NINL: variants seen among roughly 807,000 people sequenced by gnomAD.
The protein encoded by NINL is ninein like, also known as ninein-like protein.
In NINL, 153 loss-of-function variants were observed where a neutral mutation model predicts 160.3. The observed-to-expected ratio is 0.95, with a 90% CI of 0.84 to 1.09. The LOEUF is 1.09. Among genes scored for constraint, NINL ranks in the 50% least tolerant of loss-of-function variants. The pLI, the probability that NINL is intolerant of heterozygous loss-of-function variation, is 0.00. For missense variants in NINL, 1,829 were observed against 1,764.0 expected (o/e 1.04, Z -0.66); for synonymous variants, 800 against 734.8 (o/e 1.09, Z -1.43).
In NINL at chr20:25,474,815, C is replaced by T. The variant is rs113906307; in HGVS notation, c.3248+1228G>A. Among the ~76,000 whole-genome samples the T allele has an allele frequency of 6.5e-3, 981 of 150,278 alleles. 14 individuals are homozygous for T. Among genetic ancestry groups the T allele is most frequent in the African/African-American group, 0.023 (935 of 40,846 alleles). ...TTTTTTTTTTTTGGAGACAGAGTTT[C>T]GCTCTTGTTGCCCAGGCTGAAGTGC... On this transcript the variant is annotated intron_variant, in intron 17 of 23. Transcript: ENST00000278886.
At chr20:25,508,877 CA>C (rs778086666) in intron 5 of NINL, among the ~76,000 whole-genome samples, 9 of 152,248 alleles carry the variant, frequency 5.9e-5, no homozygotes, top group Admixed American at 4.6e-4. Context: ...ACACGTCCAT[CA>C]ATGCCTCCGG....
At chr20:25,536,801 C>A (rs981816840) in intron 1 of NINL, among the ~76,000 whole-genome samples, 2 of 151,438 alleles carry the variant, frequency 1.3e-5, no homozygotes, top group Non-Finnish European at 2.9e-5. Context: ...GAAGTGTAAT[C>A]ATGACCAACC....
intron 1 of NINL, among the ~76,000 whole-genome samples, chr20:25,575,495 G>A (rs1284323321): frequency 1.3e-5 from 2 of 148,756 alleles, no homozygotes; most frequent in Non-Finnish European, 3.0e-5. Flanking sequence ...GCTTGCGCCT[G>A]TAATCCCAGC....
intron 23 of NINL, among the ~76,000 whole-genome samples, chr20:25,453,847 G>A (rs1488820370): frequency 1.3e-5 from 2 of 152,044 alleles, no homozygotes; most frequent in African/African-American, 4.8e-5. Context: ...TCAGGAGATC[G>A]AGACCATCCT....
chr20:25,480,881 G>A (rs1395145791), intron 14 of NINL, among the ~76,000 whole-genome samples: 1 of 152,176 alleles, frequency 6.6e-6, no homozygotes, highest in African/African-American at 2.4e-5. Context: ...ACCACCCTGG[G>A]TGCAGGCAAT....
chr20:25,538,166 G>C (rs890831260), intron 1 of NINL, among the ~76,000 whole-genome samples: 3 of 152,210 alleles, frequency 2.0e-5, no homozygotes, highest in Admixed American at 1.3e-4. Flanking sequence ...GGGAGGCATA[G>C]GCGTGGCCTG....
Position 25,526,855 on chromosome 20 carries a change from T to G in NINL, c.-11-257A>C, listed in dbSNP as rs74731192. Among the ~76,000 whole-genome samples, 1,460 of 152,156 alleles carry G rather than the reference T, an allele frequency of 9.6e-3. 7 individuals carry two copies. Among genetic ancestry groups the G allele is most frequent in the Non-Finnish European group, 0.016 (1,073 of 67,992 alleles). ...AGTCGTCAGTCACAAGAACCAGAAT[T>G]TCTTTGTTGTATGAAAAATATCCAT... On this transcript the variant is annotated intron_variant, in intron 1 of 23. Coordinates refer to ENST00000278886, the MANE Select transcript of NINL (RefSeq NM_025176.6).
At chr20:25,477,142 C>A in intron 16 of NINL, 53 bp from the exon 17 acceptor site, 2 of 1,484,890 alleles carry the variant, frequency 1.3e-6, no homozygotes, top group Non-Finnish European at 1.8e-6. Flanking sequence ...CAGCCCCTCT[C>A]TCGGGTTTGA....
chr20:25,507,932 GC>G (rs907593443), intron 5 of NINL, among the ~76,000 whole-genome samples: 1 of 152,206 alleles, frequency 6.6e-6, no homozygotes, highest in African/African-American at 2.4e-5. Context: ...CCGTCTGTCA[GC>G]TCTGATCCTG....
At chr20:25,539,078 G>C (rs1350741385) in intron 1 of NINL, among the ~76,000 whole-genome samples, 1 of 152,204 alleles carries the variant, frequency 6.6e-6, no homozygotes, top group East Asian at 1.9e-4. Context: ...GGCAGGGCTG[G>C]GGTCAGCTCC....
intron 21 of NINL, among the ~76,000 whole-genome samples, chr20:25,459,487 G>C (rs2090781608): frequency 6.6e-6 from 1 of 152,180 alleles, no homozygotes; most frequent in Non-Finnish European, 1.5e-5. Context: ...GAAAAGGAGG[G>C]AAGAACCAGT....
At chr20:25,537,449 TG>T (rs2064578782) in intron 1 of NINL, among the ~76,000 whole-genome samples, 1 of 152,216 alleles carries the variant, frequency 6.6e-6, no homozygotes, top group Admixed American at 6.5e-5. Flanking sequence ...GTAAATCCAA[TG>T]GGTCAACGAG....
At position 25,476,244 on chromosome 20, in the gene NINL, A is replaced by G. The variant is rs1191103087; in HGVS notation, c.3047T>C (p.Val1016Ala). 6.2e-7 allele frequency: 1 copy of G among 1,613,670 alleles called. No individual in the cohort carries two copies. ...EPGCHKHSVE[V>A]ARRGSLPSHL... ...GGATGGCAAGGACCCTCTCCTGGCA[A>G]CCTCCACACTGTGCTTGTGACACCC... Residue 1016 changes from valine (V) to alanine (A), a missense_variant, in exon 17 of 24, where the codon GTT becomes GCT. Val to Ala is a moderately conservative substitution (Grantham distance 64). Transcript: ENST00000278886.
rs542368441 is a variant in NINL, at chr20:25,578,980, CATAA to C, written c.-12+6471_-12+6474del. ...ACACAGTGAAACCCTGTCTCTAAAACATAAATAAATAAAATAAAAATGGGACTTT... is the reference window on the plus strand; with the variant it reads ...ACACAGTGAAACCCTGTCTCTAAAACATAAATAAAATAAAAATGGGACTTT... On this transcript the variant is annotated intron_variant, in intron 1 of 23. Transcript: ENST00000278886. Among the ~76,000 whole-genome samples the C allele has an allele frequency of 1.1e-3, 162 of 152,166 alleles. 1 individual carries two copies. The highest frequency in any genetic ancestry group is 3.3e-3 in the African/African-American group (135 of 41,528).
chr20:25,500,386 G>A (rs1481241789), intron 8 of NINL, among the ~76,000 whole-genome samples: 1 of 151,092 alleles, frequency 6.6e-6, no homozygotes, highest in African/African-American at 2.4e-5. Context: ...GAAGGGCCTG[G>A]GGTAAGTGGG....
rs139119880 is a variant in NINL at position 25,520,700 on chromosome 20, T to C, written c.181-2851A>G. 7.6e-4 allele frequency among the ~76,000 whole-genome samples: 116 copies of C among 152,360 alleles called. 3 individuals are homozygous for C. In the East Asian group the frequency reaches 0.019, roughly 26 times the overall value. On this transcript the variant is annotated intron_variant, in intron 2 of 23. Coordinates refer to ENST00000278886, the MANE Select transcript of NINL (RefSeq NM_025176.6). ...TTGACAGTTATTTTCTTCTAGCATATTGAAGATATCTTTCCACCGTCTTCT... is the reference window on the plus strand; with the variant it reads ...TTGACAGTTATTTTCTTCTAGCATACTGAAGATATCTTTCCACCGTCTTCT...
intron 1 of NINL, among the ~76,000 whole-genome samples, chr20:25,550,918 T>A (rs1410857482): frequency 1.3e-5 from 2 of 152,100 alleles, no homozygotes; most frequent in African/African-American, 2.4e-5. Context: ...TTTACAGGTG[T>A]CGGGCTGGGG....
intron 1 of NINL, among the ~76,000 whole-genome samples, chr20:25,544,737 C>T (rs549956053): frequency 3.3e-5 from 5 of 152,334 alleles, no homozygotes; most frequent in African/African-American, 1.2e-4. Flanking sequence ...AAAGCAGCCA[C>T]AAAAAGGTTT....
At chr20:25,474,454 T>C (rs756815470) in intron 17 of NINL, among the ~76,000 whole-genome samples, 1 of 152,244 alleles carries the variant, frequency 6.6e-6, no homozygotes, top group Non-Finnish European at 1.5e-5. Context: ...ACCGGGTCTC[T>C]GACACGGACA....
Sources: gnomAD v4.1 joint callset for allele counts (sites outside exome capture counted in the v4.1 genomes callset) on GRCh38, gnomAD v4.1.1 for gene constraint, MANE v1.5 for transcripts, NCBI Gene and HGNC (gene_info 2026-07-23, HGNC 2026-07-21) for gene names.